Variants in CLEC6A observed in about 807,000 individuals in gnomAD.
CLEC6A encodes the protein C-type lectin domain family 6 member A.
Under a neutral mutation model 25.7 loss-of-function variants are expected in CLEC6A, and 22 were observed. The ratio of observed to expected loss-of-function variants is 0.85; its 90% CI spans 0.61 to 1.22. CLEC6A has a LOEUF of 1.22. CLEC6A is among the 50% of genes most tolerant of loss of function. The pLI is 0.00. For synonymous variants in CLEC6A, 92 were observed against 76.7 expected (o/e 1.20, Z -1.04); for missense variants, 240 against 236.8 (o/e 1.01, Z -0.09).
At chr12:8,463,003 A>T (rs1484418047) in intron 3 of CLEC6A, among the ~76,000 whole-genome samples, 2 of 152,172 alleles carry the variant, frequency 1.3e-5, no homozygotes, top group Non-Finnish European at 2.9e-5. Context: ...TTCTCTTTTA[A>T]AATGTATTTA....
intron 4 of CLEC6A, 79 bp from the exon 5 acceptor site, chr12:8,476,046 C>T (rs771937363): frequency 1.2e-6 from 1 of 852,370 alleles, no homozygotes; most frequent in Non-Finnish European, 1.8e-6. Flanking sequence ...AAGAATAGCT[C>T]TGAAGGCTAT....
intron 4 of CLEC6A, among the ~76,000 whole-genome samples, chr12:8,466,643 G>A (rs1939833836): frequency 7.0e-6 from 1 of 142,756 alleles, no homozygotes. Context: ...GATTAGTGAT[G>A]TTGAGCAAGT....
rs778349953 is a variant in CLEC6A, at chr12:8,459,644, C to T, written c.169C>T (p.Leu57=). Residue 57 remains leucine, a synonymous_variant, in exon 3 of 6, where the codon CTA becomes TTA. Transcript: ENST00000382073. The stretch of plus-strand genomic sequence containing the variant: ...TGAAACTGGCAAAAGGCTGTCTGAA[C>T]TACACTCATATCATTCAAGTCTCAC... ...YGETGKRLSE[L]HSYHSSLTCF... is the part of the protein sequence containing the mutation. The T allele has an allele frequency of 1.5e-5, 24 of 1,613,664 alleles. No homozygotes were observed. The highest frequency in any genetic ancestry group is 3.3e-4 in the Middle Eastern group (2 of 6,062).
intron 3 of CLEC6A, among the ~76,000 whole-genome samples, chr12:8,462,074 T>C (rs1403751202): frequency 6.6e-6 from 1 of 152,186 alleles, no homozygotes; most frequent in African/African-American, 2.4e-5. Flanking sequence ...CCCAACCCCG[T>C]GCTCTCTGAA....
In CLEC6A at chr12:8,456,070, A is replaced by G. The variant is rs202056395; in HGVS notation, c.-42A>G. 146 of 1,609,316 alleles carry G rather than the reference A, an allele frequency of 9.1e-5. No homozygotes were observed. In the Middle Eastern group the frequency reaches 1.0e-3, roughly 11 times the overall value. ...GGGCAACATCTTTAGGGAGAGAGGT[A>G]CAAAAGGTTCCTGGACCTTCTCAAC... On this transcript the variant is annotated 5_prime_UTR_variant, in exon 1 of 6. Transcript: ENST00000382073.
At chr12:8,457,797 C>G (rs182515040) in intron 1 of CLEC6A, 101 bp from the exon 2 acceptor site, 77 of 808,120 alleles carry the variant, frequency 9.5e-5, no homozygotes, top group Admixed American at 4.1e-4. Context: ...TTTAACTGCT[C>G]TGAGGTTCTT....
chr12:8,477,457 A>G lies in CLEC6A; in HGVS notation c.623A>G (p.Tyr208Cys), dbSNP rs758212284. ...TCAATATGTGAGATGAATAAGATTT[A>G]CCTATGAGTAGAAGCTTAATTGGAA... is the stretch of plus-strand genomic sequence containing the variant. ...RNSICEMNKI[Y>C]L Residue 208 changes from tyrosine to cysteine, a missense_variant, in exon 6 of 6, where the codon TAC (tyrosine) becomes TGC (cysteine). Transcript: ENST00000382073. 11 of 1,601,286 alleles carry G rather than the reference A, an allele frequency of 6.9e-6. No individual in the cohort carries two copies. In the East Asian group the frequency reaches 2.5e-4, roughly 36 times the overall value.
At chr12:8,465,660 G>A in intron 4 of CLEC6A, 31 bp downstream of exon 4, 1 of 1,586,636 alleles carries the variant, frequency 6.3e-7, no homozygotes. Flanking sequence ...TTATTTAATT[G>A]TAGAGAAAAC....
intron 4 of CLEC6A, among the ~76,000 whole-genome samples, chr12:8,468,092 C>G (rs954040760): frequency 6.6e-6 from 1 of 152,048 alleles, no homozygotes; most frequent in African/African-American, 2.4e-5. Context: ...CAGGCATGAG[C>G]CACTATGCCC....
intron 4 of CLEC6A, among the ~76,000 whole-genome samples, chr12:8,468,502 G>T (rs1353311647): frequency 6.6e-6 from 1 of 151,984 alleles, no homozygotes; most frequent in Non-Finnish European, 1.5e-5. Flanking sequence ...AGTTGCTCTG[G>T]CTAGGACTTC....
rs201117400 is a variant in CLEC6A at position 8,456,108 on chromosome 12, C to A, written c.-4C>A. On this transcript the variant is annotated 5_prime_UTR_variant, in exon 1 of 6. Coordinates refer to ENST00000382073, the MANE Select transcript of CLEC6A (RefSeq NM_001007033.2). Reference sequence around the variant, plus strand: ...GGACCTTCTCAACACAGGGAGCCTGCATAATGATGCAAGAGCAGCAACCTC... The same window carrying A: ...GGACCTTCTCAACACAGGGAGCCTGAATAATGATGCAAGAGCAGCAACCTC... 213 of 1,613,566 alleles carry A rather than the reference C, an allele frequency of 1.3e-4. 1 individual carries two copies. Among genetic ancestry groups the A allele is most frequent in the Non-Finnish European group, 4.8e-5 (57 of 1,179,764 alleles).
chr12:8,466,461 A>T (rs1371848994), intron 4 of CLEC6A, among the ~76,000 whole-genome samples: 1 of 152,184 alleles, frequency 6.6e-6, no homozygotes, highest in Non-Finnish European at 1.5e-5. Flanking sequence ...AGGAACCTTC[A>T]TACTGTTTTC....
intron 2 of CLEC6A, among the ~76,000 whole-genome samples, chr12:8,458,926 A>G (rs1048770628): frequency 6.6e-6 from 1 of 152,220 alleles, no homozygotes; most frequent in Non-Finnish European, 1.5e-5. Context: ...GAAAGTGAAC[A>G]TTAACATAAA....
At position 8,470,241 on chromosome 12, in the gene CLEC6A, C is replaced by A. The variant is rs141147007; in HGVS notation, c.369+4612C>A. On this transcript the variant is annotated intron_variant, in intron 4 of 5. Transcript: ENST00000382073. ...AATCAAAACCACAATGTGATACCAC[C>A]TTACTCCTGCAAGAATGGCCATAAT... Among the ~76,000 whole-genome samples the A allele has an allele frequency of 4.9e-3, 751 of 152,184 alleles. 7 individuals are homozygous for A. The highest frequency in any genetic ancestry group is 0.017 in the African/African-American group (700 of 41,534).
At chr12:8,473,584 A>G (rs1939935017) in intron 4 of CLEC6A, among the ~76,000 whole-genome samples, 1 of 152,158 alleles carries the variant, frequency 6.6e-6, no homozygotes, top group Admixed American at 6.6e-5. Context: ...GCTGCTGGAT[A>G]TATACCTAGT....
intron 3 of CLEC6A, among the ~76,000 whole-genome samples, chr12:8,464,423 G>A (rs1591707449): frequency 1.3e-5 from 2 of 151,410 alleles, no homozygotes; most frequent in South Asian, 2.1e-4. Context: ...TCCGCCTCCT[G>A]GGTTCACGCC....
Position 8,465,644 on chromosome 12 carries a change from T to C in CLEC6A, c.369+15T>C. 6.3e-7 allele frequency: 1 copy of C among 1,596,836 alleles called. No homozygotes were observed. The highest frequency in any genetic ancestry group is 1.1e-5 in the South Asian group (1 of 87,836). On this transcript the variant is annotated intron_variant, in intron 4 of 5. Transcript: ENST00000382073. ...AAGCAGAGCAGGTACTGTTTCCATT[T>C]AAAATTTATTTAATTGTAGAGAAAA... is the stretch of plus-strand genomic sequence containing the variant.
At chr12:8,458,400 T>C (rs1233876989) in intron 2 of CLEC6A, among the ~76,000 whole-genome samples, 3 of 152,232 alleles carry the variant, frequency 2.0e-5, no homozygotes, top group Non-Finnish European at 4.4e-5. Flanking sequence ...TCCTTTCCAA[T>C]GTGAGAGGAA....
chr12:8,463,663 A>G (rs541019564), intron 3 of CLEC6A, among the ~76,000 whole-genome samples: 96 of 152,352 alleles, frequency 6.3e-4, no homozygotes, highest in African/African-American at 1.9e-3. Context: ...AATATTATAG[A>G]ATAATTTTGC....
Sources: allele counts gnomAD v4.1 joint callset (sites outside exome capture counted in the v4.1 genomes callset), GRCh38; gene constraint gnomAD v4.1.1; transcripts MANE v1.5; gene names NCBI Gene and HGNC (gene_info 2026-07-23, HGNC 2026-07-21).